MITF: variants seen among roughly 807,000 people sequenced by gnomAD.
The protein encoded by MITF is melanocyte inducing transcription factor, also known as microphthalmia-associated transcription factor.
Under a neutral mutation model 60.5 loss-of-function variants are expected in MITF, and 17 were observed. That is an observed-to-expected ratio of 0.28 (90% CI 0.19 to 0.42). MITF has a LOEUF of 0.42. Among genes scored for constraint, MITF ranks in the 10% least tolerant of loss-of-function variants. The pLI is 1.00. For synonymous variants in MITF, 260 were observed against 248.5 expected (o/e 1.05, Z -0.43); for missense variants, 622 against 683.5 (o/e 0.91, Z 1.00).
intron 6 of MITF, among the ~76,000 whole-genome samples, chr3:69,951,362 A>G (rs2066249423): frequency 6.6e-6 from 1 of 151,996 alleles, no homozygotes; most frequent in Non-Finnish European, 1.5e-5. Context: ...TTACAGGTGC[A>G]AGCAACCATG....
At chr3:69,937,652 A>G (rs147695161) in intron 2 of MITF, among the ~76,000 whole-genome samples, 170 bp from the exon 3 acceptor site, 6 of 152,338 alleles carry the variant, frequency 3.9e-5, no homozygotes, top group Non-Finnish European at 7.3e-5. Context: ...GTTAGACTTT[A>G]AACTTCAGTA....
At chr3:69,925,305 A>T (rs1559724127) in intron 2 of MITF, among the ~76,000 whole-genome samples, 1 of 152,088 alleles carries the variant, frequency 6.6e-6, no homozygotes. Context: ...TTCCATTCAG[A>T]TGTTTAACAA....
chr3:69,812,272 G>A (rs55808455), intron 1 of MITF, among the ~76,000 whole-genome samples: 23,872 of 151,948 alleles, frequency 0.16, 2,122 homozygotes, highest in South Asian at 0.21. Flanking sequence ...AATGGAAATG[G>A]TGCAGTCTCA....
intron 1 of MITF, among the ~76,000 whole-genome samples, chr3:69,828,107 A>T (rs1259592465): frequency 9.2e-6 from 1 of 108,798 alleles, no homozygotes; most frequent in East Asian, 2.0e-4. Context: ...TAATAAGTAA[A>T]TCAGTCAGTA....
intron 1 of MITF, among the ~76,000 whole-genome samples, chr3:69,810,074 T>A (rs1401186154): frequency 6.6e-6 from 1 of 152,186 alleles, no homozygotes; most frequent in Non-Finnish European, 1.5e-5. Context: ...TTCTTGTATG[T>A]GCCCTAAGCT....
intron 1 of MITF, among the ~76,000 whole-genome samples, chr3:69,866,024 G>GCTGCCTCC (rs2064108007): frequency 6.6e-6 from 1 of 152,174 alleles, no homozygotes; most frequent in Admixed American, 6.5e-5. Context: ...TGGCTGCTGG[G>GCTGCCTCC]CTGCCTCCCT....
intron 1 of MITF, among the ~76,000 whole-genome samples, chr3:69,835,015 CTTTTTT>C (rs142347719): frequency 1.5e-5 from 1 of 68,536 alleles, no homozygotes; most frequent in African/African-American, 5.4e-5. Context: ...GCTCTTTTAC[CTTTTTT>C]TTTTTTTTTT....
intron 1 of MITF, among the ~76,000 whole-genome samples, chr3:69,803,525 T>C (rs928498598): frequency 5.9e-5 from 9 of 152,254 alleles, no homozygotes; most frequent in African/African-American, 2.2e-4. Flanking sequence ...GTTTGCTGGG[T>C]TTTGTGGTTA....
chr3:69,776,405 A>G (rs1011047403), intron 1 of MITF, among the ~76,000 whole-genome samples: 13 of 152,150 alleles, frequency 8.5e-5, no homozygotes, highest in Non-Finnish European at 1.3e-4. Flanking sequence ...TGAATCCTGG[A>G]CTTGCACTCA....
At chr3:69,802,685 T>C (rs79988232) in intron 1 of MITF, among the ~76,000 whole-genome samples, 172 of 18,030 alleles carry the variant, frequency 9.5e-3, no homozygotes, top group African/African-American at 0.043. Flanking sequence ...TCCATATTCT[T>C]TTTTTTTTTT....
intron 2 of MITF, among the ~76,000 whole-genome samples, chr3:69,921,677 G>A (rs1011110002): frequency 6.6e-6 from 1 of 152,144 alleles, no homozygotes; most frequent in African/African-American, 2.4e-5. Flanking sequence ...TGATAACTGT[G>A]AATATCAGAT....
intron 5 of MITF, among the ~76,000 whole-genome samples, chr3:69,943,344 G>T (rs1318449843): frequency 6.6e-6 from 1 of 152,068 alleles, no homozygotes; most frequent in East Asian, 1.9e-4. Flanking sequence ...TTTCTGACCA[G>T]ATCTGGGGTC....
chr3:69,782,494 G>A (rs1399711008), intron 1 of MITF, among the ~76,000 whole-genome samples: 3 of 152,184 alleles, frequency 2.0e-5, no homozygotes, highest in Non-Finnish European at 4.4e-5. Context: ...TGAGAACACT[G>A]AGATTAAGTG....
chr3:69,825,661 A>G (rs912216810), intron 1 of MITF, among the ~76,000 whole-genome samples: 6 of 152,172 alleles, frequency 3.9e-5, no homozygotes, highest in Non-Finnish European at 8.8e-5. Flanking sequence ...TGAATCCTGC[A>G]GCAGTATGAT....
At chr3:69,848,321 A>AT (rs1335870126) in intron 1 of MITF, among the ~76,000 whole-genome samples, 2 of 152,018 alleles carry the variant, frequency 1.3e-5, no homozygotes, top group Non-Finnish European at 2.9e-5. Flanking sequence ...TCATGACTTT[A>AT]TTTTTCCAGA....
chr3:69,953,993 G>A (rs1010222822), intron 7 of MITF, among the ~76,000 whole-genome samples: 28 of 152,018 alleles, frequency 1.8e-4, no homozygotes, highest in African/African-American at 6.5e-4. Flanking sequence ...ATTTGCCCAG[G>A]CATATAGATG....
intron 1 of MITF, among the ~76,000 whole-genome samples, chr3:69,849,605 G>C (rs142582454): frequency 8.5e-5 from 13 of 152,154 alleles, no homozygotes; most frequent in Non-Finnish European, 1.5e-4. Context: ...ATTTCCCCCT[G>C]GGTGAATAGC....
At chr3:69,852,854 T>C (rs1439742402) in intron 1 of MITF, among the ~76,000 whole-genome samples, 1 of 152,184 alleles carries the variant, frequency 6.6e-6, no homozygotes, top group Non-Finnish European at 1.5e-5. Flanking sequence ...TACTGAAGAA[T>C]ACGTAGTGTT....
chr3:69,851,550 C>G (rs1236103938), intron 1 of MITF, among the ~76,000 whole-genome samples: 4 of 152,186 alleles, frequency 2.6e-5, no homozygotes. Flanking sequence ...GGACAAAAAA[C>G]AGACTCAAAA....
Sources: gnomAD v4.1 joint callset for allele counts (sites outside exome capture counted in the v4.1 genomes callset) on GRCh38, gnomAD v4.1.1 for gene constraint, MANE v1.5 for transcripts, NCBI Gene and HGNC (gene_info 2026-07-23, HGNC 2026-07-21) for gene names.